RABEP1: variants seen among roughly 807,000 people sequenced by gnomAD.
RABEP1 encodes rab GTPase-binding effector protein 1.
Under a neutral mutation model 123.4 loss-of-function variants are expected in RABEP1, and 51 were observed. That is an observed-to-expected ratio of 0.41 (90% CI 0.33 to 0.52). The LOEUF (loss-of-function observed/expected upper bound fraction) is 0.52, where lower values mean the gene tolerates loss of function less well. RABEP1 is among the 20% of genes least tolerant of loss of function. RABEP1 has a pLI of 0.16. For missense variants in RABEP1, 888 were observed against 996.3 expected (o/e 0.89, Z 1.46); for synonymous variants, 347 against 355.2 (o/e 0.98, Z 0.26).
At chr17:5,380,179 A>G (rs958341622) in intron 15 of RABEP1, among the ~76,000 whole-genome samples, 185 bp from the exon 16 acceptor site, 9 of 152,200 alleles carry the variant, frequency 5.9e-5, no homozygotes, top group Non-Finnish European at 8.8e-5. Context: ...GCACCTAATA[A>G]TGGTTAATGA....
chr17:5,378,313 A>C (rs773149521), intron 15 of RABEP1, 81 bp downstream of exon 15: 1 of 1,340,400 alleles, frequency 7.5e-7, no homozygotes. Flanking sequence ...CCAACGAATA[A>C]AAAATAGTTA....
intron 1 of RABEP1, among the ~76,000 whole-genome samples, chr17:5,307,426 T>G (rs902004846): frequency 6.6e-6 from 1 of 152,182 alleles, no homozygotes; most frequent in Non-Finnish European, 1.5e-5. Flanking sequence ...CAGCTCTCAA[T>G]TAAATTGAGT....
intron 5 of RABEP1, among the ~76,000 whole-genome samples, chr17:5,338,690 T>C (rs1359074698): frequency 1.3e-5 from 2 of 152,254 alleles, no homozygotes; most frequent in Non-Finnish European, 2.9e-5. Flanking sequence ...ACAAAGTTAA[T>C]GTTCATTTTC....
intron 2 of RABEP1, among the ~76,000 whole-genome samples, chr17:5,322,624 G>A (rs933709867): frequency 3.3e-5 from 5 of 151,862 alleles, no homozygotes; most frequent in African/African-American, 1.2e-4. Context: ...CAGTAGATAC[G>A]GAAATCCTTG....
At chr17:5,303,084 C>A (rs2075150006) in intron 1 of RABEP1, among the ~76,000 whole-genome samples, 1 of 152,034 alleles carries the variant, frequency 6.6e-6, no homozygotes, top group Non-Finnish European at 1.5e-5. Context: ...TTTGGATATT[C>A]ATTACAGTCT....
chr17:5,315,669 G>A (rs2075288193), intron 2 of RABEP1, among the ~76,000 whole-genome samples: 1 of 152,158 alleles, frequency 6.6e-6, no homozygotes, highest in East Asian at 1.9e-4. Context: ...TGGTCAACAT[G>A]ATGAAACCCC....
At chr17:5,304,034 CA>C (rs752985837) in intron 1 of RABEP1, among the ~76,000 whole-genome samples, 2,580 of 107,258 alleles carry the variant, frequency 0.024, 57 homozygotes, top group African/African-American at 0.07. Flanking sequence ...AATTCCATCT[CA>C]AAAAAAAAAA....
intron 1 of RABEP1, among the ~76,000 whole-genome samples, chr17:5,285,457 A>G (rs1266737439): frequency 1.3e-5 from 2 of 151,946 alleles, no homozygotes; most frequent in African/African-American, 2.4e-5. Flanking sequence ...TATTCTTGCC[A>G]TGTTGGCCAG....
chr17:5,354,944 A>G (rs993445305), intron 8 of RABEP1, among the ~76,000 whole-genome samples: 1 of 152,310 alleles, frequency 6.6e-6, no homozygotes, highest in Non-Finnish European at 1.5e-5. Context: ...ATAACACCAC[A>G]GGGTAAAATG....
intron 12 of RABEP1, among the ~76,000 whole-genome samples, chr17:5,372,214 G>T (rs1018848689): frequency 3.9e-5 from 6 of 152,104 alleles, no homozygotes; most frequent in African/African-American, 1.4e-4. Flanking sequence ...GGAGGCTGAG[G>T]TGGGCGGATC....
Position 5,354,398 on chromosome 17 carries a change from C to T in RABEP1, c.1003C>T (p.His335Tyr). 6.2e-7 allele frequency: 1 copy of T among 1,612,576 alleles called. No homozygotes were observed. Among genetic ancestry groups the T allele is most frequent in the South Asian group, 1.1e-5 (1 of 90,918 alleles). The change falls in exon 8 of 18, where the codon CAC (histidine) becomes TAC (tyrosine). Residue 335 changes from histidine (H) to tyrosine (Y), a missense_variant. Physicochemically the swap from His to Tyr is moderately conservative, Grantham distance 83. Coordinates refer to ENST00000537505, the MANE Select transcript of RABEP1 (RefSeq NM_004703.6). ...ACAAAGACTCAATAAGAGAAAGGAT[C>T]ACAAAAAAGCAGATGTTGAGGAAGA... ...EQQRLNKRKD[H>Y]KKADVEEEIK...
At chr17:5,305,226 A>G (rs77708708) in intron 1 of RABEP1, among the ~76,000 whole-genome samples, 4,884 of 152,084 alleles carry the variant, frequency 0.032, 82 homozygotes, top group Middle Eastern at 0.075. Flanking sequence ...TTGTCTTTCT[A>G]TATTGTAGAA....
At chr17:5,355,495 C>T (rs1489991149) in intron 8 of RABEP1, among the ~76,000 whole-genome samples, 3 of 152,172 alleles carry the variant, frequency 2.0e-5, no homozygotes, top group South Asian at 2.1e-4. Context: ...TCACTTACTG[C>T]TCTCCACCTC....
At chr17:5,348,438 C>T (rs1908256605) in intron 6 of RABEP1, among the ~76,000 whole-genome samples, 1 of 152,186 alleles carries the variant, frequency 6.6e-6, no homozygotes, top group African/African-American at 2.4e-5. Flanking sequence ...AATTAGAATA[C>T]AAGAGGCAAT....
intron 12 of RABEP1, among the ~76,000 whole-genome samples, chr17:5,371,036 G>A (rs1477135999): frequency 3.3e-5 from 5 of 151,084 alleles, no homozygotes; most frequent in Non-Finnish European, 7.4e-5. Context: ...GCGCGATCTC[G>A]GCTCACTGCA....
chr17:5,385,939 G>T lies in RABEP1; in HGVS notation c.*2716G>T. ...GCTCAAATATGGAGAAAACTCAATA[G>T]GGTTCAGGGAGGTTCTGGCAGTGTG... is the stretch of plus-strand genomic sequence containing the variant. On this transcript the variant is annotated 3_prime_UTR_variant, in exon 18 of 18. Coordinates refer to ENST00000537505, the MANE Select transcript of RABEP1 (RefSeq NM_004703.6). The T allele has an allele frequency of 2.6e-6, 1 of 387,354 alleles. No individual in the cohort carries two copies. The highest frequency in any genetic ancestry group is 4.6e-6 in the Non-Finnish European group (1 of 219,108). 24.0% of individuals were successfully genotyped at this position (387,354 alleles called of 1,614,324 possible). A position where few individuals can be genotyped will look rare whatever the true frequency, so the allele number is the denominator to read the frequency against.
At chr17:5,291,558 G>C (rs2075033886) in intron 1 of RABEP1, among the ~76,000 whole-genome samples, 1 of 151,986 alleles carries the variant, frequency 6.6e-6, no homozygotes, top group Non-Finnish European at 1.5e-5. Flanking sequence ...ATTTTCATTT[G>C]GTTATGATGT....
intron 2 of RABEP1, among the ~76,000 whole-genome samples, chr17:5,311,766 C>G (rs963589436): frequency 6.7e-6 from 1 of 150,088 alleles, no homozygotes; most frequent in African/African-American, 2.5e-5. Flanking sequence ...AAATGCAGCT[C>G]TTTTGAGATA....
In RABEP1 at chr17:5,383,332, G is replaced by A; in HGVS notation, c.*109G>A. The A allele has an allele frequency of 1.1e-6, 1 of 881,964 alleles. No individual in the cohort carries two copies. The highest frequency in any genetic ancestry group is 1.8e-6 in the Non-Finnish European group (1 of 554,494). 54.6% of individuals were successfully genotyped at this position (881,964 alleles called of 1,614,324 possible). Reference sequence around the variant, plus strand: ...TGAAGAAAGAGAAGTCACAACAAAAGGAAGACTGGAGAAATGCTTACTTCT... The same window carrying A: ...TGAAGAAAGAGAAGTCACAACAAAAAGAAGACTGGAGAAATGCTTACTTCT... On this transcript the variant is annotated 3_prime_UTR_variant, in exon 18 of 18. Transcript: ENST00000537505.
Sources: allele counts gnomAD v4.1 joint callset (sites outside exome capture counted in the v4.1 genomes callset), GRCh38; gene constraint gnomAD v4.1.1; transcripts MANE v1.5; gene names NCBI Gene and HGNC (gene_info 2026-07-23, HGNC 2026-07-21).